PAPPA2: variants seen among roughly 807,000 people sequenced by gnomAD.
PAPPA2 encodes pappalysin 2, also known as pappalysin-2.
Under a neutral mutation model 176.4 loss-of-function variants are expected in PAPPA2, and 86 were observed. The ratio of observed to expected loss-of-function variants is 0.49; its 90% confidence interval spans 0.41 to 0.58. PAPPA2 has a LOEUF of 0.58. Among genes scored for constraint, PAPPA2 ranks in the 20% least tolerant of loss-of-function variants. The pLI is 0.00. For missense variants in PAPPA2, 2,073 were observed against 2,256.9 expected, an observed-to-expected ratio of 0.92 and a Z score of 1.65; for synonymous variants, 809 against 852.2, an observed-to-expected ratio of 0.95 and a Z score of 0.88.
chr1:176,664,382 C>T (rs1277750558), intron 3 of PAPPA2, among the ~76,000 whole-genome samples: 1 of 152,198 alleles, frequency 6.6e-6, no homozygotes, highest in Non-Finnish European at 1.5e-5. Flanking sequence ...CCTCCTTCTT[C>T]AAAGCCTGCA....
At chr1:176,617,522 A>G (rs1163964472) in intron 3 of PAPPA2, among the ~76,000 whole-genome samples, 1 of 152,180 alleles carries the variant, frequency 6.6e-6, no homozygotes, top group Non-Finnish European at 1.5e-5. Context: ...CTCATAGCTT[A>G]GCTATGATAC....
chr1:176,477,966 G>T (rs1425107405), intron 1 of PAPPA2, among the ~76,000 whole-genome samples: 1 of 152,116 alleles, frequency 6.6e-6, no homozygotes, highest in Admixed American at 6.5e-5. Flanking sequence ...TAACAGCTGG[G>T]TTATCTGTTC....
Position 176,755,882 on chromosome 1 carries a change from T to TA in PAPPA2, c.4152-9783dup, listed in dbSNP as rs1663390942. ...TATTTGATATATCAAACATATTACATACTCTATTCTTATAATATTGTAAGC... is the reference window on the plus strand; with the variant it reads ...TATTTGATATATCAAACATATTACATAACTCTATTCTTATAATATTGTAAGC... On this transcript the variant is annotated intron_variant, in intron 14 of 22. Coordinates refer to ENST00000367662, the MANE Select transcript of PAPPA2 (RefSeq NM_020318.3). Among the ~76,000 whole-genome samples, 3 of 152,342 alleles carry TA rather than the reference T, an allele frequency of 2.0e-5. No individual in the cohort carries two copies. The South Asian group carries it at 6.2e-4, about 32-fold the overall frequency.
chr1:176,541,262 A>G (rs1278050593), intron 1 of PAPPA2, among the ~76,000 whole-genome samples: 1 of 152,248 alleles, frequency 6.6e-6, no homozygotes, highest in Non-Finnish European at 1.5e-5. Context: ...AGGCTTCCAC[A>G]TGATTTCTCC....
intron 1 of PAPPA2, among the ~76,000 whole-genome samples, chr1:176,550,317 A>G (rs972244908): frequency 2.0e-5 from 3 of 152,242 alleles, no homozygotes; most frequent in African/African-American, 7.2e-5. Context: ...GTAAGAGGAA[A>G]TGCAAGTGTA....
intron 17 of PAPPA2, among the ~76,000 whole-genome samples, chr1:176,777,644 T>C (rs1664520438): frequency 6.6e-6 from 1 of 152,186 alleles, no homozygotes; most frequent in Admixed American, 6.5e-5. Flanking sequence ...TTATTAGCTT[T>C]TTGACCTTGA....
intron 21 of PAPPA2, among the ~76,000 whole-genome samples, chr1:176,815,714 T>A (rs1477847050): frequency 2.2e-5 from 2 of 92,376 alleles, no homozygotes; most frequent in South Asian, 6.6e-4. Context: ...GAGACGTCAA[T>A]CAACACGTGC....
At chr1:176,569,332 C>T (rs974994579) in intron 2 of PAPPA2, among the ~76,000 whole-genome samples, 7 of 152,166 alleles carry the variant, frequency 4.6e-5, no homozygotes, top group Non-Finnish European at 8.8e-5. Context: ...AATTTTTCTC[C>T]TAATATGAAA....
chr1:176,528,770 A>G (rs554645776), intron 1 of PAPPA2, among the ~76,000 whole-genome samples: 1 of 152,044 alleles, frequency 6.6e-6, no homozygotes, highest in Non-Finnish European at 1.5e-5. Context: ...GATTTCTTCC[A>G]CATACCTTTT....
At chr1:176,491,252 T>C (rs1280069336) in intron 1 of PAPPA2, among the ~76,000 whole-genome samples, 1 of 152,200 alleles carries the variant, frequency 6.6e-6, no homozygotes, top group Non-Finnish European at 1.5e-5. Flanking sequence ...AGGAAGAACA[T>C]AGAGCTGTGA....
intron 3 of PAPPA2, among the ~76,000 whole-genome samples, chr1:176,652,090 T>C (rs1657757080): frequency 6.6e-6 from 1 of 151,644 alleles, no homozygotes; most frequent in Non-Finnish European, 1.5e-5. Context: ...AATGCTGCTA[T>C]TTTGAATTTT....
intron 12 of PAPPA2, among the ~76,000 whole-genome samples, chr1:176,739,268 T>C (rs1002429843): frequency 6.6e-6 from 1 of 152,174 alleles, no homozygotes; most frequent in Admixed American, 6.6e-5. Context: ...AATAAGGAGA[T>C]ATTTATTGCA....
At chr1:176,519,527 T>C (rs2102535440) in intron 1 of PAPPA2, among the ~76,000 whole-genome samples, 1 of 152,290 alleles carries the variant, frequency 6.6e-6, no homozygotes, top group Non-Finnish European at 1.5e-5. Context: ...TTGCTTCAGA[T>C]GAAGGTCCAG....
At chr1:176,650,161 C>A (rs1657635814) in intron 3 of PAPPA2, among the ~76,000 whole-genome samples, 1 of 151,458 alleles carries the variant, frequency 6.6e-6, no homozygotes, top group South Asian at 2.1e-4. Context: ...TTCTTTGTCT[C>A]TTTTTACAGT....
At chr1:176,705,793 A>G (rs1660856248) in intron 9 of PAPPA2, among the ~76,000 whole-genome samples, 1 of 152,224 alleles carries the variant, frequency 6.6e-6, no homozygotes, top group Non-Finnish European at 1.5e-5. Flanking sequence ...GAGTAAAGAC[A>G]GGGACCTGAG....
chr1:176,753,990 C>T (rs1034899477), intron 14 of PAPPA2, among the ~76,000 whole-genome samples: 8 of 149,712 alleles, frequency 5.3e-5, no homozygotes, highest in Non-Finnish European at 8.9e-5. Flanking sequence ...TTGGGCGGCA[C>T]AGTGAGCTAT....
At chr1:176,570,295 G>T (rs574145058) in intron 2 of PAPPA2, among the ~76,000 whole-genome samples, 1 of 152,142 alleles carries the variant, frequency 6.6e-6, no homozygotes, top group East Asian at 1.9e-4. Flanking sequence ...ACTCTCTTTT[G>T]GGGGGGTGAA....
intron 1 of PAPPA2, among the ~76,000 whole-genome samples, chr1:176,497,514 G>T (rs1033792786): frequency 1.3e-5 from 2 of 152,120 alleles, no homozygotes; most frequent in Non-Finnish European, 2.9e-5. Flanking sequence ...AGCCCCAAGG[G>T]GGATCTTTTT....
chr1:176,808,700 C>T (rs1666015038), intron 21 of PAPPA2, among the ~76,000 whole-genome samples: 1 of 152,024 alleles, frequency 6.6e-6, no homozygotes, highest in Non-Finnish European at 1.5e-5. Context: ...TTAATCTCAC[C>T]ATGGATCTCA....
Sources: allele counts gnomAD v4.1 joint callset (sites outside exome capture counted in the v4.1 genomes callset), GRCh38; gene constraint gnomAD v4.1.1; transcripts MANE v1.5; gene names NCBI Gene and HGNC (gene_info 2026-07-23, HGNC 2026-07-21).